NEDD4L: variants seen among roughly 807,000 people sequenced by gnomAD.
NEDD4L encodes the protein NEDD4 like E3 ubiquitin protein ligase, also known as E3 ubiquitin-protein ligase NEDD4-like.
A neutral mutation model predicts 148.9 loss-of-function variants in NEDD4L; 54 were observed. The ratio of observed to expected loss-of-function variants is 0.36; its 90% CI spans 0.29 to 0.45. NEDD4L has a LOEUF of 0.45. NEDD4L is among the 20% of genes least tolerant of loss of function. The pLI is 1.00. For missense variants in NEDD4L, 856 were observed against 1,233.8 expected, an observed-to-expected ratio of 0.69 and a Z score of 4.59; for synonymous variants, 433 against 440.7, an observed-to-expected ratio of 0.98 and a Z score of 0.22.
chr18:58,176,815 C>G (rs144295525), intron 2 of NEDD4L, among the ~76,000 whole-genome samples: 4 of 152,308 alleles, frequency 2.6e-5, no homozygotes, highest in African/African-American at 9.6e-5. Context: ...TTCTTGCCCT[C>G]GTTTTCTTCA....
chr18:58,206,077 G>T (rs566884914), intron 2 of NEDD4L, among the ~76,000 whole-genome samples: 1 of 152,056 alleles, frequency 6.6e-6, no homozygotes, highest in African/African-American at 2.4e-5. Context: ...TCCCCTTTGC[G>T]CTGGGTACAG....
intron 6 of NEDD4L, among the ~76,000 whole-genome samples, chr18:58,316,318 C>G (rs2058256354): frequency 6.6e-6 from 1 of 152,208 alleles, no homozygotes; most frequent in South Asian, 2.1e-4. Flanking sequence ...TGTATCACAT[C>G]TTACAAAACA....
At chr18:58,246,589 T>G (rs2047291528) in intron 3 of NEDD4L, among the ~76,000 whole-genome samples, 1 of 152,144 alleles carries the variant, frequency 6.6e-6, no homozygotes, top group Non-Finnish European at 1.5e-5. Context: ...CTCAGCTTCC[T>G]GAGTAGCTGA....
intron 2 of NEDD4L, among the ~76,000 whole-genome samples, chr18:58,193,095 T>C (rs1194971618): frequency 6.6e-6 from 1 of 152,146 alleles, no homozygotes; most frequent in African/African-American, 2.4e-5. Flanking sequence ...TGAGGTCAGA[T>C]GCGAGACTAT....
At chr18:58,392,868 G>A (rs1276986594) in intron 30 of NEDD4L, among the ~76,000 whole-genome samples, 3 of 152,300 alleles carry the variant, frequency 2.0e-5, no homozygotes, top group East Asian at 3.9e-4. Flanking sequence ...TAGGAAAAGC[G>A]AAATTATTGG....
At chr18:58,077,456 C>T (rs141888943) in intron 1 of NEDD4L, among the ~76,000 whole-genome samples, 69 of 152,204 alleles carry the variant, frequency 4.5e-4, no homozygotes, top group Admixed American at 1.2e-3. Flanking sequence ...TTTTGGAATA[C>T]GTTTCAAAGC....
At chr18:58,340,318 G>A (rs993510500) in intron 13 of NEDD4L, among the ~76,000 whole-genome samples, 1 of 152,084 alleles carries the variant, frequency 6.6e-6, no homozygotes, top group African/African-American at 2.4e-5. Context: ...CACTCTATGC[G>A]GGGCAGGTCT....
At chr18:58,235,389 G>A (rs796298950) in intron 2 of NEDD4L, among the ~76,000 whole-genome samples, 64 of 152,294 alleles carry the variant, frequency 4.2e-4, no homozygotes, top group African/African-American at 1.5e-3. Flanking sequence ...ATGCAAAAGG[G>A]ATACCGTGTG....
chr18:58,122,557 T>A (rs1376365757), intron 1 of NEDD4L, among the ~76,000 whole-genome samples: 1 of 152,190 alleles, frequency 6.6e-6, no homozygotes, highest in East Asian at 1.9e-4. Flanking sequence ...GGTGTTTGCC[T>A]TGCTACCTCC....
At chr18:58,086,482 A>G (rs1313348419) in intron 1 of NEDD4L, among the ~76,000 whole-genome samples, 2 of 152,152 alleles carry the variant, frequency 1.3e-5, no homozygotes. Context: ...ATTTTGAACT[A>G]TTTGAATGTA....
At chr18:58,097,916 C>G (rs569295093) in intron 1 of NEDD4L, among the ~76,000 whole-genome samples, 1 of 152,216 alleles carries the variant, frequency 6.6e-6, no homozygotes, top group East Asian at 1.9e-4. Flanking sequence ...ATAGTCCCAG[C>G]AACTTGGGAG....
At chr18:58,302,799 A>G (rs1042045663) in intron 5 of NEDD4L, among the ~76,000 whole-genome samples, 1 of 152,232 alleles carries the variant, frequency 6.6e-6, no homozygotes, top group African/African-American at 2.4e-5. Context: ...CCCAGCAAGC[A>G]ACAGTACCCA....
At chr18:58,098,127 C>T (rs972675280) in intron 1 of NEDD4L, among the ~76,000 whole-genome samples, 6 of 152,162 alleles carry the variant, frequency 3.9e-5, no homozygotes, top group African/African-American at 1.4e-4. Flanking sequence ...GGTGAAGAAT[C>T]TGACAAGTGG....
intron 1 of NEDD4L, among the ~76,000 whole-genome samples, chr18:58,093,500 G>A (rs529771025): frequency 6.6e-6 from 1 of 150,452 alleles, no homozygotes; most frequent in Non-Finnish European, 1.5e-5. Context: ...GCGAGCTAGA[G>A]TTGTCTCTAG....
chr18:58,195,713 G>A (rs1370186099), intron 2 of NEDD4L: 1 of 1,352,074 alleles, frequency 7.4e-7, no homozygotes, highest in Non-Finnish European at 9.8e-7. Context: ...CTTCAGACGA[G>A]CTCTTCCTGC....
At chr18:58,271,980 C>G (rs748178486) in intron 5 of NEDD4L, among the ~76,000 whole-genome samples, 1 of 152,178 alleles carries the variant, frequency 6.6e-6, no homozygotes, top group Non-Finnish European at 1.5e-5. Flanking sequence ...CAAATTACAA[C>G]TTCAAGCCTA....
intron 5 of NEDD4L, among the ~76,000 whole-genome samples, chr18:58,276,212 T>TGGGGGG (rs58442069): frequency 4.8e-5 from 5 of 103,474 alleles, no homozygotes; most frequent in Admixed American, 1.9e-4. Flanking sequence ...TTTTTTTTTT[T>TGGGGGG]GGGTGGGGAG....
In NEDD4L at chr18:58,216,272, G is replaced by C. The variant is rs564889747; in HGVS notation, c.123-29155G>C. 2.0e-5 allele frequency among the ~76,000 whole-genome samples: 3 copies of C among 152,224 alleles called. No homozygotes were observed. In the East Asian group the frequency reaches 5.8e-4, roughly 29 times the overall value. On this transcript the variant is annotated intron_variant, in intron 2 of 30. Coordinates refer to ENST00000400345, the MANE Select transcript of NEDD4L (RefSeq NM_001144967.3). ...GCCAGGTCAGTGGGGCTGGGGAAGG[G>C]AGAGAGTTCATGGGGGAGGGCTGGA...
chr18:58,147,350 G>A (rs537497039), intron 1 of NEDD4L, among the ~76,000 whole-genome samples: 1 of 151,922 alleles, frequency 6.6e-6, no homozygotes, highest in Non-Finnish European at 1.5e-5. Flanking sequence ...ATGCTGGGGG[G>A]CACTTTCCCT....
Sources: allele counts gnomAD v4.1 joint callset (sites outside exome capture counted in the v4.1 genomes callset), GRCh38; gene constraint gnomAD v4.1.1; transcripts MANE v1.5; gene names NCBI Gene and HGNC (gene_info 2026-07-23, HGNC 2026-07-21).